PCDHA12: variants seen among roughly 807,000 people sequenced by gnomAD.
PCDHA12 encodes protocadherin alpha-12.
A neutral mutation model predicts 60.0 loss-of-function variants in PCDHA12; 44 were observed. That is an observed-to-expected ratio of 0.73 (90% confidence interval 0.58 to 0.94). The LOEUF (loss-of-function observed/expected upper bound fraction) is 0.94. Ranked by LOEUF, PCDHA12 falls within the 40% of genes least tolerant of loss-of-function variation. The pLI, the probability that PCDHA12 is intolerant of heterozygous loss-of-function variation, is 0.00. For missense variants in PCDHA12, 1,276 were observed against 1,239.7 expected (o/e 1.03, Z -0.44); for synonymous variants, 569 against 553.0 (o/e 1.03, Z -0.40).
chr5:140,937,413 TTAGA>T (rs781915768), intron 1 of PCDHA12, among the ~76,000 whole-genome samples: 3 of 152,228 alleles, frequency 2.0e-5, no homozygotes, highest in Non-Finnish European at 2.9e-5. Flanking sequence ...ACAACTTTTA[TTAGA>T]TAGCTGATAT....
At chr5:140,936,925 T>C (rs1554211273) in intron 1 of PCDHA12, among the ~76,000 whole-genome samples, 2 of 152,208 alleles carry the variant, frequency 1.3e-5, no homozygotes, top group African/African-American at 2.4e-5. Context: ...AAATATGGGG[T>C]ATATTGAAAA....
chr5:140,919,660 T>C (rs561238136), intron 1 of PCDHA12, among the ~76,000 whole-genome samples: 1 of 152,360 alleles, frequency 6.6e-6, no homozygotes, highest in African/African-American at 2.4e-5. Flanking sequence ...TTACCATATA[T>C]ATTTTAGCTT....
intron 1 of PCDHA12, chr5:140,926,753 G>C (rs1431209513): frequency 3.5e-5 from 44 of 1,268,526 alleles, no homozygotes; most frequent in Non-Finnish European, 4.4e-5. Context: ...GTCGGCGGTC[G>C]CTGAGTATCC....
chr5:141,008,670 A>G (rs1375302412), intron 3 of PCDHA12, among the ~76,000 whole-genome samples: 1 of 152,218 alleles, frequency 6.6e-6, no homozygotes, highest in Non-Finnish European at 1.5e-5. Flanking sequence ...TACTTTACAT[A>G]TACTTTAGTT....
chr5:140,908,431 G>A (rs949756474), intron 1 of PCDHA12, among the ~76,000 whole-genome samples: 4 of 152,152 alleles, frequency 2.6e-5, no homozygotes, highest in Non-Finnish European at 5.9e-5. Context: ...GCTGCTGTGC[G>A]CACCCCACTT....
intron 1 of PCDHA12, among the ~76,000 whole-genome samples, chr5:140,911,208 G>A (rs1554194651): frequency 6.6e-6 from 1 of 152,154 alleles, no homozygotes; most frequent in Non-Finnish European, 1.5e-5. Flanking sequence ...TGCCACTACT[G>A]GGGATGAGAA....
rs999939821 is a variant in PCDHA12, at chr5:140,972,909, G to A, written c.2368-6040G>A. ...GATCTCTTGACCTTGTGATCCACCC[G>A]CCTTGGCCTCCCAAAGTGCTGGGAT... is the stretch of plus-strand genomic sequence containing the variant. On this transcript the variant is annotated intron_variant, in intron 1 of 3. Transcript: ENST00000398631. 5.3e-4 allele frequency among the ~76,000 whole-genome samples: 80 copies of A among 152,056 alleles called. 1 individual carries two copies. Among genetic ancestry groups the A allele is most frequent in the African/African-American group, 1.8e-3 (75 of 41,484 alleles).
intron 1 of PCDHA12, among the ~76,000 whole-genome samples, chr5:140,909,403 G>A (rs533159317): frequency 2.0e-4 from 31 of 152,280 alleles, no homozygotes; most frequent in African/African-American, 7.2e-4. Flanking sequence ...AGCTGCAATT[G>A]CAGTTACCAT....
rs538677309 is a variant in PCDHA12, at chr5:140,927,177, G to T, written c.2367+49338G>T. ...GCAGGGCCAAAGCTGCCTGCGTCTT[G>T]ACCTACGACCTGGTGCTCGAGGACC... On this transcript the variant is annotated intron_variant, in intron 1 of 3. Coordinates refer to ENST00000398631, the MANE Select transcript of PCDHA12 (RefSeq NM_018903.4). 78 of 1,614,148 alleles carry T rather than the reference G, an allele frequency of 4.8e-5. 3 individuals carry two copies. In the East Asian group the frequency reaches 6.7e-4, roughly 14 times the overall value.
chr5:140,883,547 G>A (rs782704587), intron 1 of PCDHA12: 2 of 1,614,234 alleles, frequency 1.2e-6, no homozygotes, highest in Admixed American at 1.7e-5. Flanking sequence ...GGTGGTGACC[G>A]CGCGGGACGG....
intron 3 of PCDHA12, among the ~76,000 whole-genome samples, chr5:141,006,057 A>G (rs2098253248): frequency 6.6e-6 from 1 of 152,022 alleles, no homozygotes. Context: ...AGAGTGGAGA[A>G]GAAATAAAAA....
At chr5:140,937,399 T>C (rs2091517737) in intron 1 of PCDHA12, among the ~76,000 whole-genome samples, 1 of 152,226 alleles carries the variant, frequency 6.6e-6, no homozygotes, top group African/African-American at 2.4e-5. Context: ...TATAGGGGTA[T>C]TGCACAACTT....
chr5:140,875,654 C>A lies in PCDHA12; in HGVS notation c.182C>A (p.Pro61Gln), dbSNP rs781924559. ...DLGLELAELV[P>Q]RLFRVASKRH... The stretch of plus-strand genomic sequence containing the variant: ...GGGCTGGAGCTGGCGGAGCTGGTGC[C>A]GCGCCTGTTCCGGGTGGCGTCCAAA... Residue 61 changes from proline to glutamine, a missense_variant, in exon 1 of 4, where the codon CCG (proline) becomes CAG (glutamine). Transcript: ENST00000398631. 54 of 1,613,584 alleles carry A rather than the reference C, an allele frequency of 3.3e-5. No homozygotes were observed. Among genetic ancestry groups the A allele is most frequent in the African/African-American group, 1.3e-4 (10 of 74,926 alleles).
rs116377419 is a variant in PCDHA12, at chr5:140,884,621, G to A, written c.2367+6782G>A. On this transcript the variant is annotated intron_variant, in intron 1 of 3. Coordinates refer to ENST00000398631, the MANE Select transcript of PCDHA12 (RefSeq NM_018903.4). ...TCCTCCTTGTCTGGGTTCTGCAGAG[G>A]GAACAGGCCAGAGGGAGGAGGACTC... 8.0e-4 allele frequency: 1,287 copies of A among 1,613,996 alleles called. 6 individuals carry two copies. The African/African-American group carries it at 0.016, about 20-fold the overall frequency.
intron 1 of PCDHA12, among the ~76,000 whole-genome samples, chr5:140,901,961 C>T (rs62384485): frequency 2.0e-5 from 3 of 151,946 alleles, no homozygotes; most frequent in Non-Finnish European, 2.9e-5. Flanking sequence ...TCGTGGCTAT[C>T]GTAAATGGGA....
rs565339027 is a variant in PCDHA12, at chr5:141,010,492, C to G, written c.*555C>G. ...AGGGGAAGTGTAAACTTAAAGGGAC[C>G]AGACTTTCTAAATCTTACAACTCAA... On this transcript the variant is annotated 3_prime_UTR_variant, in exon 4 of 4. Transcript: ENST00000398631. 28 of 628,626 alleles carry G rather than the reference C, an allele frequency of 4.5e-5. No homozygotes were observed. Among genetic ancestry groups the G allele is most frequent in the Admixed American group, 1.7e-4 (5 of 29,282 alleles). 38.9% of individuals were successfully genotyped at this position (628,626 alleles called of 1,614,324 possible).
chr5:140,903,339 A>T (rs1176958912), intron 1 of PCDHA12, among the ~76,000 whole-genome samples: 1 of 152,206 alleles, frequency 6.6e-6, no homozygotes, highest in African/African-American at 2.4e-5. Context: ...GAAAGGATGC[A>T]TTTTAAAAAA....
At chr5:141,001,723 A>G (rs936645287) in intron 3 of PCDHA12, among the ~76,000 whole-genome samples, 22 of 152,286 alleles carry the variant, frequency 1.4e-4, no homozygotes, top group African/African-American at 4.8e-4. Context: ...GGAGCTTGAG[A>G]TATTTTACAA....
rs782226254 is a variant in PCDHA12 at position 140,882,345 on chromosome 5, C to T, written c.2367+4506C>T. The T allele has an allele frequency of 6.8e-6, 11 of 1,614,042 alleles. No homozygotes were observed. In the Admixed American group the frequency reaches 1.5e-4, roughly 22 times the overall value. Reference sequence around the variant, plus strand: ...CTTCTGATCCTCGCAGCCTGGGAGACGGGTAGTGGCCAGCTCCACTACTCC... The same window carrying T: ...CTTCTGATCCTCGCAGCCTGGGAGATGGGTAGTGGCCAGCTCCACTACTCC... On this transcript the variant is annotated intron_variant, in intron 1 of 3. Transcript: ENST00000398631.
Sources: gnomAD v4.1 joint callset for allele counts (sites outside exome capture counted in the v4.1 genomes callset) on GRCh38, gnomAD v4.1.1 for gene constraint, MANE v1.5 for transcripts, NCBI Gene and HGNC (gene_info 2026-07-23, HGNC 2026-07-21) for gene names.